The following ASPH variants were observed in gnomAD, a reference collection of about 807,000 sequenced individuals.
ASPH encodes aspartate beta-hydroxylase, also known as aspartyl/asparaginyl beta-hydroxylase.
ASPH carries 100 observed loss-of-function variants against 118.4 expected under a neutral mutation model. That is an observed-to-expected ratio of 0.84 (90% confidence interval 0.72 to 1.00). The LOEUF is 1.00. ASPH is among the 50% of genes least tolerant of loss of function. ASPH has a pLI of 0.00. For synonymous variants in ASPH, 315 were observed against 325.6 expected, an observed-to-expected ratio of 0.97 and a Z score of 0.35; for missense variants, 920 against 919.5, an observed-to-expected ratio of 1.00 and a Z score of -0.01.
chr8:61,506,977 G>A (rs1401331633), intron 24 of ASPH, among the ~76,000 whole-genome samples: 1 of 152,080 alleles, frequency 6.6e-6, no homozygotes, highest in Non-Finnish European at 1.5e-5. Context: ...CAGAGAACCT[G>A]GAAACTACTT....
intron 16 of ASPH, among the ~76,000 whole-genome samples, chr8:61,568,238 C>T (rs1372513810): frequency 6.6e-6 from 1 of 152,134 alleles, no homozygotes; most frequent in Non-Finnish European, 1.5e-5. Context: ...CAGAACACTC[C>T]AGCAGGAATC....
chr8:61,689,869 C>G, intron 1 of ASPH: 1 of 1,340,588 alleles, frequency 7.5e-7, no homozygotes, highest in Non-Finnish European at 9.6e-7. Context: ...ACTACAAACT[C>G]TGCTCACCAG....
At chr8:61,658,653 C>G (rs1815071835) in intron 3 of ASPH, 1 of 152,008 alleles carries the variant, frequency 6.6e-6, no homozygotes, top group African/African-American at 2.4e-5. Context: ...AAGTATTTTT[C>G]CAAAAATTTA....
intron 1 of ASPH, among the ~76,000 whole-genome samples, chr8:61,702,100 T>C (rs1835361332): frequency 6.6e-6 from 1 of 152,110 alleles, no homozygotes; most frequent in Admixed American, 6.5e-5. Context: ...CTTACTCAAA[T>C]GTACCTACCA....
At chr8:61,630,647 T>C (rs1855144910) in intron 13 of ASPH, among the ~76,000 whole-genome samples, 2 of 152,202 alleles carry the variant, frequency 1.3e-5, no homozygotes, top group Non-Finnish European at 2.9e-5. Context: ...TACTCATGTG[T>C]GTGGTGATGC....
intron 5 of ASPH, among the ~76,000 whole-genome samples, chr8:61,650,573 T>C (rs1810440728): frequency 6.6e-6 from 1 of 152,212 alleles, no homozygotes; most frequent in African/African-American, 2.4e-5. Flanking sequence ...AATTTTTAAA[T>C]TTAAGTACTG....
intron 12 of ASPH, among the ~76,000 whole-genome samples, chr8:61,637,400 A>C (rs1858310693): frequency 1.3e-5 from 2 of 152,180 alleles, no homozygotes; most frequent in South Asian, 4.1e-4. Context: ...GGAGCAACTG[A>C]AATAATATAT....
chr8:61,546,603 C>G (rs181921130), intron 21 of ASPH, among the ~76,000 whole-genome samples: 1 of 152,260 alleles, frequency 6.6e-6, no homozygotes, highest in East Asian at 1.9e-4. Context: ...GTTCCCTGAG[C>G]TATAAAATAT....
chr8:61,646,179 C>A (rs1352663420), intron 6 of ASPH, among the ~76,000 whole-genome samples: 1 of 152,126 alleles, frequency 6.6e-6, no homozygotes, highest in East Asian at 1.9e-4. Context: ...TAGGATTTTA[C>A]AAATAAGTTG....
chr8:61,637,950 C>CT lies in ASPH; in HGVS notation c.885dup (p.Glu296ArgfsTer20). On this transcript the variant is annotated frameshift_variant, in exon 12 of 25. Transcript: ENST00000379454. LOFTEE classifies it high-confidence loss of function. ...CACTTCCATAAATTTATCTTACCTT[C>CT]TACAATTACCTGTGAATCTTCTACA... is the stretch of plus-strand genomic sequence containing the variant. 3 of 1,608,004 alleles carry CT rather than the reference C, an allele frequency of 1.9e-6. No homozygotes were observed. The highest frequency in any genetic ancestry group is 2.5e-6 in the Non-Finnish European group (3 of 1,177,528).
At chr8:61,578,518 A>G in intron 15 of ASPH, 1 of 1,583,612 alleles carries the variant, frequency 6.3e-7, no homozygotes, top group Non-Finnish European at 8.7e-7. Flanking sequence ...ACCCTCAACA[A>G]CAAGTTTGCC....
Position 61,507,333 on chromosome 8 carries a change from T to TG in ASPH, c.2127-3825dup, listed in dbSNP as rs1217610796. On this transcript the variant is annotated intron_variant, in intron 24 of 24. Coordinates refer to ENST00000379454, the MANE Select transcript of ASPH (RefSeq NM_004318.4). The stretch of plus-strand genomic sequence containing the variant: ...AATTTGGGGAGGTATACCAAAGGGT[T>TG]GTTAATTGGCCTGTTTCAGGGTCAT... 2.6e-5 allele frequency among the ~76,000 whole-genome samples: 4 copies of TG among 152,372 alleles called. No individual in the cohort carries two copies. In the South Asian group the frequency reaches 8.3e-4, roughly 32 times the overall value.
chr8:61,576,461 C>G (rs1021476578), intron 16 of ASPH: 1 of 225,742 alleles, frequency 4.4e-6, no homozygotes, highest in Non-Finnish European at 8.5e-6. Context: ...CTCTGAGGAG[C>G]CTCAAGTGAA....
At chr8:61,644,905 C>T (rs2151002193) in intron 6 of ASPH, among the ~76,000 whole-genome samples, 1 of 152,274 alleles carries the variant, frequency 6.6e-6, no homozygotes, top group Non-Finnish European at 1.5e-5. Flanking sequence ...TAGAGTGACA[C>T]AGGCCAGACC....
At chr8:61,641,772 A>T (rs2350580) in intron 10 of ASPH, among the ~76,000 whole-genome samples, 124,308 of 152,060 alleles carry the variant, frequency 0.82, 50,903 homozygotes, top group Middle Eastern at 0.85. Context: ...GTTACTCATA[A>T]TTGAATTCCA....
intron 16 of ASPH, 115 bp from the exon 17 acceptor site, chr8:61,567,433 G>T: frequency 8.6e-7 from 1 of 1,158,036 alleles, no homozygotes; most frequent in Non-Finnish European, 1.2e-6. Context: ...TGTAAGACAC[G>T]TTAGCCTTTT....
chr8:61,704,300 A>T (rs542336930), intron 1 of ASPH, among the ~76,000 whole-genome samples: 1 of 151,780 alleles, frequency 6.6e-6, no homozygotes. Context: ...CACCAAAAGC[A>T]ATCCAATAAT....
intron 20 of ASPH, among the ~76,000 whole-genome samples, chr8:61,551,746 G>T (rs898234476): frequency 1.3e-5 from 2 of 152,204 alleles, no homozygotes; most frequent in African/African-American, 4.8e-5. Flanking sequence ...CATTTATCCA[G>T]TGTTAGATGT....
intron 1 of ASPH, among the ~76,000 whole-genome samples, chr8:61,712,801 A>C (rs915270812): frequency 2.0e-5 from 3 of 152,244 alleles, no homozygotes; most frequent in Admixed American, 6.5e-5. Context: ...CCTCAGATGC[A>C]ATCAGCCCTC....
Sources: allele counts gnomAD v4.1 joint callset (sites outside exome capture counted in the v4.1 genomes callset), GRCh38; gene constraint gnomAD v4.1.1; transcripts MANE v1.5; gene names NCBI Gene and HGNC (gene_info 2026-07-23, HGNC 2026-07-21).